Variants in ALPK3 observed in about 807,000 individuals in gnomAD.
The protein encoded by ALPK3 is alpha kinase 3.
In ALPK3, 102 loss-of-function variants were observed where a neutral mutation model predicts 140.0. The observed-to-expected ratio is 0.73, with a 90% CI of 0.62 to 0.86. The LOEUF (loss-of-function observed/expected upper bound fraction) is 0.86, where lower values mean the gene tolerates loss of function less well. Ranked by LOEUF, ALPK3 falls within the 40% of genes least tolerant of loss-of-function variation. The pLI is 0.00. For missense variants in ALPK3, 2,254 were observed against 2,208.2 expected (o/e 1.02, Z -0.42); for synonymous variants, 938 against 898.5 (o/e 1.04, Z -0.79).
At chr15:84,821,608 T>C (rs1040405112) in intron 1 of ALPK3, among the ~76,000 whole-genome samples, 1 of 152,048 alleles carries the variant, frequency 6.6e-6, no homozygotes, top group Admixed American at 6.6e-5. Context: ...CTTTCCATCT[T>C]TTCTGGAGCA....
Position 84,859,373 on chromosome 15 carries a change from G to A in ALPK3, c.3948G>A (p.Val1316=). ...CATGGGCCAAGGATCAGCGCCCAGTGGGCGAGGTGGGCAGGAGGTAAGCCA... is the reference window on the plus strand; with the variant it reads ...CATGGGCCAAGGATCAGCGCCCAGTAGGCGAGGTGGGCAGGAGGTAAGCCA... ...VLTWAKDQRP[V]GEVGRSAGDE... The change falls in exon 7 of 14, where the codon GTG becomes GTA. Residue 1316 remains valine, a synonymous_variant. Coordinates refer to ENST00000258888, the MANE Select transcript of ALPK3 (RefSeq NM_020778.5). 1 of 1,614,144 alleles carries A rather than the reference G, an allele frequency of 6.2e-7. No homozygotes were observed.
In ALPK3 at chr15:84,840,335, T is replaced by A; in HGVS notation, c.1056T>A (p.Pro352=). The part of the protein sequence containing the change: ...SENCIPSSDE[P]DSCGTQGPVG... ...ACTGCATCCCCAGCTCAGACGAGCC[T>A]GACTCCTGTGGGACTCAGGGGCCCG... Residue 352 remains proline, a synonymous_variant, in exon 5 of 14, where the codon CCT becomes CCA. Coordinates refer to ENST00000258888, the MANE Select transcript of ALPK3 (RefSeq NM_020778.5). The A allele has an allele frequency of 6.2e-7, 1 of 1,613,930 alleles. No homozygotes were observed. The highest frequency in any genetic ancestry group is 8.5e-7 in the Non-Finnish European group (1 of 1,179,934).
chr15:84,844,071 A>G (rs111808025), intron 5 of ALPK3, among the ~76,000 whole-genome samples: 2 of 152,144 alleles, frequency 1.3e-5, no homozygotes, highest in African/African-American at 4.8e-5. Context: ...TCTACTAACA[A>G]TACAAAAATT....
intron 1 of ALPK3, among the ~76,000 whole-genome samples, chr15:84,819,322 C>G (rs571480367): frequency 6.6e-6 from 1 of 152,294 alleles, no homozygotes; most frequent in Admixed American, 6.5e-5. Flanking sequence ...GGCAGGACAG[C>G]AGGAGTGGGA....
intron 3 of ALPK3, among the ~76,000 whole-genome samples, chr15:84,832,817 C>T (rs1439515863): frequency 6.6e-6 from 1 of 152,202 alleles, no homozygotes; most frequent in African/African-American, 2.4e-5. Flanking sequence ...ACCTTGGTAA[C>T]AGCGGCTGCA....
At chr15:84,850,048 G>A (rs1963784679) in intron 5 of ALPK3, among the ~76,000 whole-genome samples, 1 of 145,384 alleles carries the variant, frequency 6.9e-6, no homozygotes, top group African/African-American at 2.5e-5. Flanking sequence ...GAATGAAAGA[G>A]GGGATATCAC....
At position 84,872,618 on chromosome 15, in the gene ALPK3, T is replaced by A. The variant is rs893309468; in HGVS notation, c.*4162T>A. 1.5e-4 allele frequency: 23 copies of A among 152,232 alleles called. No individual in the cohort carries two copies. Among genetic ancestry groups the A allele is most frequent in the African/African-American group, 5.5e-4 (23 of 41,468 alleles). The allele number at this position is 152,232 out of a possible 1,614,324, so 9.4% of individuals were successfully genotyped here. A position where few individuals can be genotyped will look rare whatever the true frequency, so the allele number is the denominator to read the frequency against. The stretch of plus-strand genomic sequence containing the variant: ...GTCCTACATTGTGAAGGAAACATTC[T>A]GACCTCAAACAGATCCCTCAACCCC... On this transcript the variant is annotated 3_prime_UTR_variant, in exon 14 of 14. Transcript: ENST00000258888.
chr15:84,820,589 TC>T (rs2141544207), intron 1 of ALPK3, among the ~76,000 whole-genome samples: 1 of 152,192 alleles, frequency 6.6e-6, no homozygotes, highest in East Asian at 1.9e-4. Flanking sequence ...CAAGTGATCT[TC>T]CTGCCTCAAC....
rs1438521517 is a variant in ALPK3, at chr15:84,869,567, AC to A, written c.*1115del. On this transcript the variant is annotated 3_prime_UTR_variant, in exon 14 of 14. Transcript: ENST00000258888. ...GGAGTCTCTGTGCCTGGGAATTAGG[AC>A]CCCTGCTCCAACCATCGCTCTTGAT... 1 of 151,786 alleles carries A rather than the reference AC, an allele frequency of 6.6e-6. No homozygotes were observed. The highest frequency in any genetic ancestry group is 1.9e-4 in the East Asian group (1 of 5,130). The allele number at this position is 151,786 out of a possible 1,614,324, so 9.4% of individuals were successfully genotyped here.
At chr15:84,844,929 T>G (rs1963711532) in intron 5 of ALPK3, among the ~76,000 whole-genome samples, 2 of 152,250 alleles carry the variant, frequency 1.3e-5, no homozygotes, top group South Asian at 4.1e-4. Flanking sequence ...CAATAACTAA[T>G]ATTATTTATT....
intron 3 of ALPK3, among the ~76,000 whole-genome samples, chr15:84,838,531 C>T (rs536929221): frequency 6.6e-6 from 1 of 151,958 alleles, no homozygotes; most frequent in Non-Finnish European, 1.5e-5. Flanking sequence ...TCCAGCAAGC[C>T]TGGGGCAGGT....
intron 10 of ALPK3, 39 bp downstream of exon 10, chr15:84,862,954 C>G: frequency 6.3e-7 from 1 of 1,590,256 alleles, no homozygotes; most frequent in Non-Finnish European, 8.6e-7. Context: ...CTTTTATTCT[C>G]TCACCCCCTC....
chr15:84,848,292 A>G (rs1476361509), intron 5 of ALPK3, among the ~76,000 whole-genome samples: 1 of 151,980 alleles, frequency 6.6e-6, no homozygotes, highest in African/African-American at 2.4e-5. Context: ...ATGTATGCAA[A>G]TATAATATAT....
chr15:84,846,000 A>G (rs1295170122), intron 5 of ALPK3, among the ~76,000 whole-genome samples: 1 of 152,170 alleles, frequency 6.6e-6, no homozygotes, highest in Non-Finnish European at 1.5e-5. Flanking sequence ...CCTGGGAGGC[A>G]GAGGTTGCAG....
At position 84,857,812 on chromosome 15, in the gene ALPK3, A is replaced by G; in HGVS notation, c.3074A>G (p.Gln1025Arg). ...LERVENNHLV[Q>R]SAQTLLLSPC... is the part of the protein sequence containing the mutation. ...CGTGTGGAGAACAACCACCTGGTGC[A>G]GAGTGCACAGACCCTGCTGCTGAGC... Residue 1025 changes from glutamine to arginine, a missense_variant, in exon 6 of 14, where the codon CAG (glutamine) becomes CGG (arginine). Physicochemically the swap from Gln to Arg is conservative, Grantham distance 43. Around this residue, in one of 3 missense-constraint regions of ALPK3, gnomAD observed 2,088 missense variants for 2,022.9 expected, o/e 1.03. Transcript: ENST00000258888. 1 of 1,611,234 alleles carries G rather than the reference A, an allele frequency of 6.2e-7. No individual in the cohort carries two copies. Among genetic ancestry groups the G allele is most frequent in the Non-Finnish European group, 8.5e-7 (1 of 1,178,142 alleles).
chr15:84,855,502 T>C lies in ALPK3; in HGVS notation c.1654-890T>C, dbSNP rs190823571. Among the ~76,000 whole-genome samples the C allele has an allele frequency of 5.3e-5, 8 of 152,282 alleles. 1 individual carries two copies. Among genetic ancestry groups the C allele is most frequent in the Admixed American group, 3.3e-4 (5 of 15,288 alleles). ...GTTTACTTTGTTGGTTTTGATGATA[T>C]CTTGGAGGAAAAAAGGGAAATCACT... On this transcript the variant is annotated intron_variant, in intron 5 of 13. Transcript: ENST00000258888.
At position 84,864,519 on chromosome 15, in the gene ALPK3, C is replaced by G. The variant is rs758113429; in HGVS notation, c.4577C>G (p.Pro1526Arg). 1 of 1,614,172 alleles carries G rather than the reference C, an allele frequency of 6.2e-7. No individual in the cohort carries two copies. The highest frequency in any genetic ancestry group is 2.2e-5 in the East Asian group (1 of 44,878). ...ACCCTGGAGGAAGACCTGGGCAAGC[C>G]CCTGGAGTCTTACTGTTCTCGGGAA... ...YATLEEDLGK[P>R]LESYCSREWG... The change falls in exon 12 of 14, where the codon CCC becomes CGC. Residue 1526 changes from proline to arginine, a missense_variant. Physicochemically the swap from Pro to Arg is moderately radical, Grantham distance 103. Transcript: ENST00000258888.
chr15:84,851,745 C>A (rs1461075062), intron 5 of ALPK3, among the ~76,000 whole-genome samples: 1 of 152,110 alleles, frequency 6.6e-6, no homozygotes, highest in Non-Finnish European at 1.5e-5. Context: ...TACCATAATT[C>A]ATTGGATCAA....
At chr15:84,822,476 G>A (rs1321431620) in intron 1 of ALPK3, among the ~76,000 whole-genome samples, 1 of 152,182 alleles carries the variant, frequency 6.6e-6, no homozygotes, top group African/African-American at 2.4e-5. Context: ...GGAAGGGAGA[G>A]CTCTTCTCAT....
Sources: allele counts gnomAD v4.1 joint callset (sites outside exome capture counted in the v4.1 genomes callset), GRCh38; gene constraint gnomAD v4.1.1; regional missense constraint gnomAD v4.1.1; transcripts MANE v1.5; gene names NCBI Gene and HGNC (gene_info 2026-07-23, HGNC 2026-07-21).